Variants in BLOC1S3 observed in about 807,000 individuals in gnomAD.
BLOC1S3 encodes the protein biogenesis of lysosomal organelles complex 1 subunit 3.
BLOC1S3 carries 7 observed loss-of-function variants against 9.1 expected under a neutral mutation model. The ratio of observed to expected loss-of-function variants is 0.77; its 90% CI spans 0.44 to 1.45. BLOC1S3 has a LOEUF of 1.45. BLOC1S3 is among the 40% of genes most tolerant of loss of function. The probability of loss-of-function intolerance (pLI) is 0.01; values close to 1 mark genes in which losing one functional copy is unlikely to be tolerated. For synonymous variants in BLOC1S3, 145 were observed against 158.4 expected, an observed-to-expected ratio of 0.92 and a Z score of 0.64; for missense variants, 307 against 315.2, an observed-to-expected ratio of 0.97 and a Z score of 0.20.
At chr19:45,207,681 G>C (rs1969738339) in intron 3 of BLOC1S3, among the ~76,000 whole-genome samples, 1 of 150,852 alleles carries the variant, frequency 6.6e-6, no homozygotes, top group South Asian at 2.1e-4. Flanking sequence ...AGGTTGCAGA[G>C]AGCTGAGATC....
At chr19:45,200,375 G>T (rs999047791) in intron 2 of BLOC1S3, among the ~76,000 whole-genome samples, 1 of 151,690 alleles carries the variant, frequency 6.6e-6, no homozygotes, top group African/African-American at 2.4e-5. Context: ...GTAGAGATGG[G>T]GTTTCACCGT....
intron 2 of BLOC1S3, among the ~76,000 whole-genome samples, chr19:45,202,210 TAAAAAAAAA>T (rs59295257): frequency 9.1e-5 from 5 of 54,906 alleles, no homozygotes; most frequent in Admixed American, 2.7e-4. Flanking sequence ...AGACTCCATC[TAAAAAAAAA>T]AAAAAAAAAA....
chr19:45,209,573 C>T (rs968589855), intron 3 of BLOC1S3, among the ~76,000 whole-genome samples: 3 of 152,126 alleles, frequency 2.0e-5, no homozygotes, highest in African/African-American at 7.2e-5. Context: ...AGGCGCCTGC[C>T]ACTACGCCCA....
Position 45,181,325 on chromosome 19 carries a change from C to T in BLOC1S3, c.*1420C>T, listed in dbSNP as rs1167767129. ...AGGCAGGGGATCTTCCTCCCAACTC[C>T]CTGGACCAAGGTGGCATTTCCTGCA... On this transcript the variant is annotated 3_prime_UTR_variant, in exon 2 of 2. Coordinates refer to ENST00000433642, the MANE Select transcript of BLOC1S3 (RefSeq NM_212550.5). The T allele has an allele frequency of 6.0e-6, 1 of 167,178 alleles. No individual in the cohort carries two copies. The highest frequency in any genetic ancestry group is 1.5e-5 in the Non-Finnish European group (1 of 68,210). 10.4% of individuals were successfully genotyped at this position (167,178 alleles called of 1,614,324 possible).
At chr19:45,208,266 C>CACA (rs1969742415) in intron 3 of BLOC1S3, among the ~76,000 whole-genome samples, 1 of 151,972 alleles carries the variant, frequency 6.6e-6, no homozygotes, top group Non-Finnish European at 1.5e-5. Context: ...GCCACCACAC[C>CACA]CAGCCTCTCT....
intron 3 of BLOC1S3, among the ~76,000 whole-genome samples, chr19:45,206,314 G>A (rs1042439975): frequency 1.5e-5 from 2 of 134,908 alleles, no homozygotes; most frequent in Non-Finnish European, 3.0e-5. Context: ...TTGAAATCCC[G>A]TCATTGCACT....
chr19:45,199,460 T>C lies in BLOC1S3; in HGVS notation n.181-2946T>C, dbSNP rs567886500. 2.0e-5 allele frequency among the ~76,000 whole-genome samples: 3 copies of C among 149,570 alleles called. No homozygotes were observed. In the South Asian group the frequency reaches 6.4e-4, roughly 32 times the overall value. On this transcript the variant is annotated intron_variant and non_coding_transcript_variant, in intron 2 of 3. Coordinates refer to the BLOC1S3 transcript ENST00000591569. ...CCTCCCGAGTAGCTGGGATTACAGG[T>C]GCCTGCCACTACACCTGGCTAATTT... is the stretch of plus-strand genomic sequence containing the variant.
At chr19:45,193,256 G>T (rs973928505) in intron 2 of BLOC1S3, among the ~76,000 whole-genome samples, 3 of 151,536 alleles carry the variant, frequency 2.0e-5, no homozygotes, top group Non-Finnish European at 4.4e-5. Context: ...TTCTTATGAA[G>T]TGCTTTTTTG....
In BLOC1S3 at chr19:45,181,672, T is replaced by C. The variant is rs1969523611; in HGVS notation, c.*1767T>C. 1.8e-5 allele frequency: 3 copies of C among 167,134 alleles called. No homozygotes were observed. The South Asian group carries it at 6.2e-4, about 35-fold the overall frequency. 10.4% of individuals were successfully genotyped at this position (167,134 alleles called of 1,614,324 possible). A position where few individuals can be genotyped will look rare whatever the true frequency, so the allele number is the denominator to read the frequency against. ...AGCTCTGGTCCCTCAGCCGCATTCA[T>C]ATTTACTCTCCTCTCCCAGCCTGAT... On this transcript the variant is annotated 3_prime_UTR_variant, in exon 2 of 2. Transcript: ENST00000433642.
Position 45,200,182 on chromosome 19 carries a change from A to ATTTT in BLOC1S3, n.181-2210_181-2207dup, listed in dbSNP as rs4012970. ...GTGTCAGTTGAATTTTTTCTACTTAATTTTTTTTTTTTTTTTTGAGACGGA... is the reference window on the plus strand; with the variant it reads ...GTGTCAGTTGAATTTTTTCTACTTAATTTTTTTTTTTTTTTTTTTTTGAGACGGA... On this transcript the variant is annotated intron_variant and non_coding_transcript_variant, in intron 2 of 3. Transcript: ENST00000591569. 7.4e-4 allele frequency among the ~76,000 whole-genome samples: 100 copies of ATTTT among 135,216 alleles called. 2 individuals carry two copies. Among genetic ancestry groups the ATTTT allele is most frequent in the Non-Finnish European group, 1.0e-3 (65 of 64,172 alleles). The allele number at this position is 135,216 out of a possible 152,430, so 88.7% of individuals were successfully genotyped here. A position where few individuals can be genotyped will look rare whatever the true frequency, so the allele number is the denominator to read the frequency against.
In BLOC1S3 at chr19:45,179,151, AAACT is replaced by A. The variant is rs1461719783; in HGVS notation, c.-9-136_-9-133del. The A allele has an allele frequency of 5.0e-6, 5 of 990,680 alleles. No homozygotes were observed. Among genetic ancestry groups the A allele is most frequent in the Non-Finnish European group, 6.9e-6 (5 of 726,636 alleles). The allele number at this position is 990,680 out of a possible 1,614,324, so 61.4% of individuals were successfully genotyped here. A position where few individuals can be genotyped will look rare whatever the true frequency, so the allele number is the denominator to read the frequency against. ...ATCATCACCCAGTTTACAGAAGAGG[AAACT>A]GAGGCCCAGACGGGGAGCAGCTGAC... On this transcript the variant is annotated intron_variant, in intron 1 of 1. Transcript: ENST00000433642. The surrounding 1 kb of genome is among the most constrained non-coding windows in gnomAD (Gnocchi z 4.6).
At chr19:45,202,758 A>G (rs1468386145) in intron 3 of BLOC1S3, among the ~76,000 whole-genome samples, 1 of 152,024 alleles carries the variant, frequency 6.6e-6, no homozygotes, top group Non-Finnish European at 1.5e-5. Context: ...GCTGGGTCAC[A>G]CCTGAAATCA....
chr19:45,184,610 T>C (rs983745207), downstream of BLOC1S3, among the ~76,000 whole-genome samples: 2 of 151,626 alleles, frequency 1.3e-5, no homozygotes, highest in East Asian at 2.0e-4. Context: ...TGTCTCAAAA[T>C]AAAAAAGGGG....
At chr19:45,182,700 T>TA (rs1277502523), downstream of BLOC1S3, among the ~76,000 whole-genome samples, 7 of 152,176 alleles carry the variant, frequency 4.6e-5, no homozygotes, top group African/African-American at 1.7e-4. Flanking sequence ...AAAAATAAAA[T>TA]AGAGACGAGC....
chr19:45,195,009 G>T (rs771686072), intron 2 of BLOC1S3, among the ~76,000 whole-genome samples: 1 of 149,776 alleles, frequency 6.7e-6, no homozygotes, highest in Non-Finnish European at 1.5e-5. Flanking sequence ...TCAGCTCACT[G>T]CAATCTCCGC....
chr19:45,210,404 A>G (rs10417555), intron 3 of BLOC1S3, among the ~76,000 whole-genome samples: 51,252 of 144,218 alleles, frequency 0.36, 10,663 homozygotes, highest in East Asian at 0.78. Context: ...GGCTCAAGTG[A>G]TTCTCTTGCC....
downstream of BLOC1S3, among the ~76,000 whole-genome samples, chr19:45,183,353 G>A (rs1386611577): frequency 6.6e-6 from 1 of 151,728 alleles, no homozygotes; most frequent in Non-Finnish European, 1.5e-5. Context: ...GCACATGCCT[G>A]TAATCCCAGC....
At chr19:45,213,114 AGGCAGACAGGCCAAACTGGGCCT>A in intron 3 of BLOC1S3, 1 of 1,551,074 alleles carries the variant, frequency 6.4e-7, no homozygotes, top group Non-Finnish European at 8.7e-7. Context: ...GCCGGGGCCG[AGGCAGACAGGCCAAACTGGGCCT>A]GGCCAGCCGG....
At chr19:45,209,237 T>C (rs571287208) in intron 3 of BLOC1S3, among the ~76,000 whole-genome samples, 19 of 151,030 alleles carry the variant, frequency 1.3e-4, no homozygotes, top group Non-Finnish European at 1.8e-4. Context: ...TTAGTAGAGA[T>C]GGGGTTTCAC....
Sources: gnomAD v4.1 joint callset for allele counts (sites outside exome capture counted in the v4.1 genomes callset) on GRCh38, gnomAD v4.1.1 for gene constraint, Gnocchi (gnomAD v3.1) non-coding constraint, MANE v1.5 for transcripts, NCBI Gene and HGNC (gene_info 2026-07-23, HGNC 2026-07-21) for gene names.